The following SCUBE1 variants were observed in gnomAD, a reference collection of about 807,000 sequenced individuals.
SCUBE1 encodes signal peptide, CUB domain and EGF like domain containing 1, also known as signal peptide, CUB and EGF-like domain-containing protein 1.
Under a neutral mutation model 124.4 loss-of-function variants are expected in SCUBE1, and 59 were observed. The observed-to-expected ratio is 0.47, with a 90% CI of 0.38 to 0.59. The LOEUF is 0.59. Ranked by LOEUF, SCUBE1 falls within the 20% of genes least tolerant of loss-of-function variation. The probability of loss-of-function intolerance (pLI) is 0.00; values close to 1 mark genes in which losing one functional copy is unlikely to be tolerated. For missense variants in SCUBE1, 1,150 were observed against 1,371.2 expected (o/e 0.84, Z 2.55); for synonymous variants, 545 against 550.9 (o/e 0.99, Z 0.15).
chr22:43,301,253 C>T (rs1925760241), intron 3 of SCUBE1, among the ~76,000 whole-genome samples: 1 of 152,192 alleles, frequency 6.6e-6, no homozygotes, highest in South Asian at 2.1e-4. Context: ...AACTCCCTGC[C>T]TCCATCCTGC....
intron 21 of SCUBE1, among the ~76,000 whole-genome samples, chr22:43,206,256 A>G (rs954538282): frequency 7.5e-6 from 1 of 132,886 alleles, no homozygotes; most frequent in African/African-American, 2.9e-5. Context: ...ACACCCCTAC[A>G]TACCCCTACA....
chr22:43,310,780 C>CT (rs1926143253), intron 3 of SCUBE1, among the ~76,000 whole-genome samples: 1 of 152,148 alleles, frequency 6.6e-6, no homozygotes, highest in Non-Finnish European at 1.5e-5. Context: ...TTTTTAAAAA[C>CT]TTTTTTTAGT....
intron 6 of SCUBE1, among the ~76,000 whole-genome samples, chr22:43,245,555 G>A (rs975102154): frequency 5.3e-5 from 8 of 152,304 alleles, no homozygotes; most frequent in Non-Finnish European, 1.0e-4. Context: ...GGACACCCCG[G>A]CAGGCTCCTC....
chr22:43,335,265 C>T (rs1387803361), intron 2 of SCUBE1, among the ~76,000 whole-genome samples: 1 of 152,178 alleles, frequency 6.6e-6, no homozygotes, highest in African/African-American at 2.4e-5. Context: ...CAGCAGGGAT[C>T]TGATGGTTCT....
At chr22:43,230,886 G>A (rs777800419) in intron 8 of SCUBE1, among the ~76,000 whole-genome samples, 27 of 152,162 alleles carry the variant, frequency 1.8e-4, no homozygotes, top group Non-Finnish European at 2.8e-4. Context: ...CCCCTGAGCT[G>A]CACTGACAGG....
intron 19 of SCUBE1, among the ~76,000 whole-genome samples, 197 bp from the exon 20 acceptor site, chr22:43,208,421 C>T (rs938607484): frequency 1.8e-4 from 28 of 152,186 alleles, no homozygotes; most frequent in African/African-American, 6.8e-4. Context: ...CTTACTTGTC[C>T]TTCTGAGACC....
In SCUBE1 at chr22:43,222,688, G is replaced by A. The variant is rs144577242; in HGVS notation, c.1382C>T (p.Ala461Val). 37 of 1,606,198 alleles carry A rather than the reference G, an allele frequency of 2.3e-5. No individual in the cohort carries two copies. Among genetic ancestry groups the A allele is most frequent in the African/African-American group, 2.1e-4 (16 of 74,854 alleles). ...SCGVPGPQGK[A>V]LQKRNGTSSG... The stretch of plus-strand genomic sequence containing the variant: ...GCTGGTGCCGTTGCGTTTCTGCAGC[G>A]CCTTGCCCTGCGGCCCTGGAACTCC... Residue 461 changes from alanine to valine, a missense_variant, in exon 12 of 22, where the codon GCG becomes GTG. Transcript: ENST00000360835.
At position 43,210,865 on chromosome 22, in the gene SCUBE1, A is replaced by G; in HGVS notation, c.2383+57T>C. 5.0e-6 allele frequency: 8 copies of G among 1,598,168 alleles called. No individual in the cohort carries two copies. The highest frequency in any genetic ancestry group is 6.8e-6 in the Non-Finnish European group (8 of 1,167,884). On this transcript the variant is annotated intron_variant, in intron 18 of 21. Transcript: ENST00000360835. This position sits in a 1 kb window ranked among gnomAD's most constrained non-coding sequence, Gnocchi z 4.5. ...AGATCAGGTCTCCTCCCGCCCCCAC[A>G]ACCTGCCCAGCCCCTCCCGTGTTCC...
intron 5 of SCUBE1, among the ~76,000 whole-genome samples, chr22:43,261,180 ATT>A (rs1386633478): frequency 6.6e-6 from 1 of 152,212 alleles, no homozygotes; most frequent in Non-Finnish European, 1.5e-5. Flanking sequence ...TGGAGTCAGC[ATT>A]TCTGTTCTGA....
chr22:43,292,789 A>G (rs140848798), intron 3 of SCUBE1, among the ~76,000 whole-genome samples: 1,619 of 152,240 alleles, frequency 0.011, 29 homozygotes, highest in African/African-American at 0.037. Flanking sequence ...AAGACACCAC[A>G]CGGCTGCCTT....
At chr22:43,286,660 C>T (rs1925157723) in intron 4 of SCUBE1, among the ~76,000 whole-genome samples, 1 of 152,232 alleles carries the variant, frequency 6.6e-6, no homozygotes, top group African/African-American at 2.4e-5. Context: ...CAGCTCATGA[C>T]TGTACAGGAA....
chr22:43,211,056 T>G lies in SCUBE1; in HGVS notation c.2249A>C (p.Asn750Thr), dbSNP rs370859318. 249 of 1,613,184 alleles carry G rather than the reference T, an allele frequency of 1.5e-4. 4 individuals carry two copies. The highest frequency in any genetic ancestry group is 1.3e-3 in the South Asian group (115 of 90,958). ...GCGGATGCAGCGGTGGGTGGTGGTGTTGTAGTGGTGGCCGGGGGAGCAGTG... is the reference window on the plus strand; with the variant it reads ...GCGGATGCAGCGGTGGGTGGTGGTGGTGTAGTGGTGGCCGGGGGAGCAGTG... ...KVHCSPGHHY[N>T]TTTHRCIRCP... Residue 750 changes from asparagine to threonine, a missense_variant, in exon 18 of 22, where the codon AAC becomes ACC. By Grantham distance (65) the Asn-to-Thr change is moderately conservative. Around this residue, in one of 3 missense-constraint regions of SCUBE1, gnomAD observed 757 missense variants for 840.9 expected, o/e 0.90. Coordinates refer to ENST00000360835, the MANE Select transcript of SCUBE1 (RefSeq NM_173050.5). This position sits in a 1 kb window ranked among gnomAD's most constrained non-coding sequence, Gnocchi z 4.5.
At chr22:43,274,067 G>A (rs1229162066) in intron 4 of SCUBE1, among the ~76,000 whole-genome samples, 1 of 151,924 alleles carries the variant, frequency 6.6e-6, no homozygotes, top group Non-Finnish European at 1.5e-5. Context: ...AAATTTCCCA[G>A]GCTGGTCACT....
Position 43,203,850 on chromosome 22 carries a change from C to T in SCUBE1, c.*147G>A, listed in dbSNP as rs1055311135. 2 of 799,742 alleles carry T rather than the reference C, an allele frequency of 2.5e-6. No homozygotes were observed. The highest frequency in any genetic ancestry group is 3.9e-6 in the Non-Finnish European group (2 of 513,454). The allele number at this position is 799,742 out of a possible 1,614,324, so 49.5% of individuals were successfully genotyped here. A position where few individuals can be genotyped will look rare whatever the true frequency, so the allele number is the denominator to read the frequency against. ...GCAGCGGGTCCGAAGGGTGCCTGGG[C>T]TCGGTCTCCATGGGCTGGTCGGCTT... On this transcript the variant is annotated 3_prime_UTR_variant, in exon 22 of 22. Coordinates refer to ENST00000360835, the MANE Select transcript of SCUBE1 (RefSeq NM_173050.5).
chr22:43,267,276 A>G (rs1041675933), intron 4 of SCUBE1, among the ~76,000 whole-genome samples: 11 of 152,164 alleles, frequency 7.2e-5, no homozygotes, highest in Non-Finnish European at 1.3e-4. Flanking sequence ...AGTGGGTGAA[A>G]GAAGGAAAGG....
At chr22:43,299,928 T>C (rs963670398) in intron 3 of SCUBE1, among the ~76,000 whole-genome samples, 2 of 152,240 alleles carry the variant, frequency 1.3e-5, no homozygotes, top group African/African-American at 2.4e-5. Flanking sequence ...GTTTTCAAGC[T>C]GCATCCATGT....
chr22:43,293,271 G>C (rs946343625), intron 3 of SCUBE1, among the ~76,000 whole-genome samples: 3 of 152,246 alleles, frequency 2.0e-5, no homozygotes, highest in Non-Finnish European at 4.4e-5. Context: ...AGGCCCACGC[G>C]ATCCTCACAG....
At chr22:43,220,731 C>T in intron 13 of SCUBE1, 144 bp from the exon 14 acceptor site, 1 of 1,079,554 alleles carries the variant, frequency 9.3e-7, no homozygotes, top group Non-Finnish European at 1.3e-6. Context: ...AAGGTCAGGG[C>T]TGGCTCGGGG....
Position 43,207,484 on chromosome 22 carries a change from C to T in SCUBE1, c.2814+50G>A, listed in dbSNP as rs908718907. 16 of 1,444,456 alleles carry T rather than the reference C, an allele frequency of 1.1e-5. 1 individual carries two copies. The highest frequency in any genetic ancestry group is 9.1e-5 in the East Asian group (4 of 44,074). The allele number at this position is 1,444,456 out of a possible 1,614,324, so 89.5% of individuals were successfully genotyped here. A position where few individuals can be genotyped will look rare whatever the true frequency, so the allele number is the denominator to read the frequency against. On this transcript the variant is annotated intron_variant, in intron 21 of 21. Transcript: ENST00000360835. ...GGGCAGGGGCGGTCCTGGCTCATCACAGGCCCCATCCCAGGGTTACGTGGA... is the reference window on the plus strand; with the variant it reads ...GGGCAGGGGCGGTCCTGGCTCATCATAGGCCCCATCCCAGGGTTACGTGGA...
Sources: gnomAD v4.1 joint callset for allele counts (sites outside exome capture counted in the v4.1 genomes callset) on GRCh38, gnomAD v4.1.1 for gene constraint, gnomAD v4.1.1 regional missense constraint, Gnocchi (gnomAD v3.1) non-coding constraint, MANE v1.5 for transcripts, NCBI Gene and HGNC (gene_info 2026-07-23, HGNC 2026-07-21) for gene names.